Variants in ARHGAP40 observed in about 807,000 individuals in gnomAD.
ARHGAP40 encodes rho GTPase-activating protein 40.
In ARHGAP40, 43 loss-of-function variants were observed where a neutral mutation model predicts 73.5. That is an observed-to-expected ratio of 0.58 (90% CI 0.46 to 0.75). The LOEUF is 0.75. Ranked by LOEUF, ARHGAP40 falls within the 30% of genes least tolerant of loss-of-function variation. The probability of loss-of-function intolerance (pLI) is 0.00; values close to 1 mark genes in which losing one functional copy is unlikely to be tolerated. For synonymous variants in ARHGAP40, 300 were observed against 352.8 expected, an observed-to-expected ratio of 0.85 and a Z score of 1.68; for missense variants, 734 against 861.8, an observed-to-expected ratio of 0.85 and a Z score of 1.86.
chr20:38,626,987 G>A lies in ARHGAP40; in HGVS notation c.338-8G>A, dbSNP rs1245623268. On this transcript the variant is annotated splice_polypyrimidine_tract_variant and splice_region_variant and intron_variant, in intron 2 of 14. Transcript: ENST00000373345. ...GTGTGTTCATCTGGGTTCTACTTCTGTTGGCAGAAGGGGAAGCTGAATCCC... is the reference window on the plus strand; with the variant it reads ...GTGTGTTCATCTGGGTTCTACTTCTATTGGCAGAAGGGGAAGCTGAATCCC... The A allele has an allele frequency of 1.5e-6, 2 of 1,303,116 alleles. No individual in the cohort carries two copies. Among genetic ancestry groups the A allele is most frequent in the Non-Finnish European group, 2.0e-6 (2 of 988,450 alleles). 80.7% of individuals were successfully genotyped at this position (1,303,116 alleles called of 1,614,324 possible). A position where few individuals can be genotyped will look rare whatever the true frequency, so the allele number is the denominator to read the frequency against.
At chr20:38,619,762 C>A (rs1394065095) in intron 1 of ARHGAP40, among the ~76,000 whole-genome samples, 1 of 151,248 alleles carries the variant, frequency 6.6e-6, no homozygotes, top group Non-Finnish European at 1.5e-5. Context: ...AAGTTGGAAA[C>A]AATAGCACCC....
Position 38,646,313 on chromosome 20 carries a change from C to T in ARHGAP40, c.1710+126C>T. The T allele has an allele frequency of 1.9e-6, 2 of 1,080,152 alleles. No individual in the cohort carries two copies. The highest frequency in any genetic ancestry group is 1.2e-6 in the Non-Finnish European group (1 of 858,036). 66.9% of individuals were successfully genotyped at this position (1,080,152 alleles called of 1,614,324 possible). On this transcript the variant is annotated intron_variant, in intron 12 of 14. Transcript: ENST00000373345. The surrounding 1 kb of genome is among the most constrained non-coding windows in gnomAD (Gnocchi z 4.5). The stretch of plus-strand genomic sequence containing the variant: ...GCCAGCAACGGCCCAGTGAGGCCAC[C>T]AGGGGGCGTTGCGGCGCCGTCACGG...
intron 1 of ARHGAP40, among the ~76,000 whole-genome samples, chr20:38,613,849 A>G (rs1601134735): frequency 6.6e-6 from 1 of 152,352 alleles, no homozygotes; most frequent in East Asian, 1.9e-4. Flanking sequence ...CGGCTCTAGC[A>G]GAAATGCTGT....
At chr20:38,608,454 G>C (rs1261297507) in intron 1 of ARHGAP40, among the ~76,000 whole-genome samples, 1 of 152,142 alleles carries the variant, frequency 6.6e-6, no homozygotes, top group Non-Finnish European at 1.5e-5. Flanking sequence ...CTGCTCGTTG[G>C]TCGGAAGGCA....
chr20:38,621,628 C>A (rs2088874164), intron 1 of ARHGAP40, among the ~76,000 whole-genome samples: 1 of 152,148 alleles, frequency 6.6e-6, no homozygotes, highest in Admixed American at 6.5e-5. Flanking sequence ...GTCTGCACAC[C>A]AAAGTGTTAG....
At chr20:38,644,925 T>TC (rs138870681) in intron 11 of ARHGAP40, among the ~76,000 whole-genome samples, 3,977 of 152,078 alleles carry the variant, frequency 0.026, 166 homozygotes, top group African/African-American at 0.089. Flanking sequence ...CCACAGTCCT[T>TC]CCCTCTATCC....
At chr20:38,608,313 C>T (rs557067153) in intron 1 of ARHGAP40, among the ~76,000 whole-genome samples, 1 of 152,280 alleles carries the variant, frequency 6.6e-6, no homozygotes, top group African/African-American at 2.4e-5. Flanking sequence ...TGACTTGTTT[C>T]TTTAAAACTG....
intron 5 of ARHGAP40, among the ~76,000 whole-genome samples, chr20:38,631,397 TTCCACATGGCTG>T (rs1208715592): frequency 6.6e-6 from 1 of 151,724 alleles, no homozygotes; most frequent in Non-Finnish European, 1.5e-5. Context: ...GGACTTACAG[TTCCACATGGCTG>T]GGGAGGCCTC....
chr20:38,604,541 G>A (rs1008979285), intron 1 of ARHGAP40, among the ~76,000 whole-genome samples: 5 of 151,914 alleles, frequency 3.3e-5, no homozygotes, highest in African/African-American at 9.7e-5. Flanking sequence ...GATTACAGGC[G>A]TGCGCCACCA....
At chr20:38,611,989 G>A (rs945635339) in intron 1 of ARHGAP40, among the ~76,000 whole-genome samples, 4 of 152,018 alleles carry the variant, frequency 2.6e-5, no homozygotes, top group African/African-American at 9.7e-5. Context: ...CTCCCAAAAC[G>A]CTGGGACTAC....
chr20:38,624,457 G>A (rs1225807237), intron 2 of ARHGAP40, among the ~76,000 whole-genome samples: 1 of 152,146 alleles, frequency 6.6e-6, no homozygotes. Flanking sequence ...CCCTTGATGG[G>A]GTGAGAGTCA....
chr20:38,625,992 A>T lies in ARHGAP40; in HGVS notation c.338-1003A>T, dbSNP rs6128571. Among the ~76,000 whole-genome samples the T allele has an allele frequency of 2.0e-5, 3 of 152,308 alleles. No homozygotes were observed. In the East Asian group the frequency reaches 5.8e-4, roughly 29 times the overall value. Reference sequence around the variant, plus strand: ...CATTTCAAGAAACAGTGGCTCATTGAAAGGATCCTGTACAAACAAAAAAAT... The same window carrying T: ...CATTTCAAGAAACAGTGGCTCATTGTAAGGATCCTGTACAAACAAAAAAAT... On this transcript the variant is annotated intron_variant, in intron 2 of 14. Transcript: ENST00000373345.
intron 10 of ARHGAP40, 111 bp downstream of exon 10, chr20:38,641,919 C>A: frequency 1.1e-6 from 1 of 879,026 alleles, no homozygotes; most frequent in Non-Finnish European, 1.5e-6. Context: ...CTGCCAGGTG[C>A]TAGGGTTCAG....
intron 1 of ARHGAP40, among the ~76,000 whole-genome samples, chr20:38,603,459 A>ATCTATCTGTCTATCTG: frequency 7.8e-6 from 1 of 128,076 alleles, no homozygotes; most frequent in Admixed American, 7.9e-5. Flanking sequence ...CTATCTATCT[A>ATCTATCTGTCTATCTG]TCTATTCTAT....
At chr20:38,629,359 C>A in intron 4 of ARHGAP40, 143 bp from the exon 5 acceptor site, 1 of 850,420 alleles carries the variant, frequency 1.2e-6, no homozygotes, top group Non-Finnish European at 1.6e-6. Context: ...AGCCCTAAAC[C>A]TAATGATTTG....
chr20:38,638,806 C>A (rs1367817544), exon 8 of ARHGAP40: 2 of 1,305,346 alleles, frequency 1.5e-6, no homozygotes, highest in African/African-American at 3.0e-5. Flanking sequence ...GGAAGGCATT[C>A]TCAGGGTGCC....
chr20:38,610,686 T>TG (rs2088799263), intron 1 of ARHGAP40, among the ~76,000 whole-genome samples: 1 of 151,980 alleles, frequency 6.6e-6, no homozygotes, highest in South Asian at 2.1e-4. Flanking sequence ...GTTAGAGGAG[T>TG]GAAGCTTCGT....
At chr20:38,642,381 C>G (rs979729732) in intron 10 of ARHGAP40, among the ~76,000 whole-genome samples, 1 of 152,200 alleles carries the variant, frequency 6.6e-6, no homozygotes, top group Non-Finnish European at 1.5e-5. Flanking sequence ...TCAAGATGTG[C>G]CTCCAGGATC....
At position 38,646,964 on chromosome 20, in the gene ARHGAP40, A is replaced by G. The variant is rs1455526343; in HGVS notation, c.1718A>G (p.Lys573Arg). The G allele has an allele frequency of 1.5e-6, 2 of 1,305,060 alleles. No individual in the cohort carries two copies. The highest frequency in any genetic ancestry group is 4.6e-5 in the Admixed American group (2 of 43,554). 80.8% of individuals were successfully genotyped at this position (1,305,060 alleles called of 1,614,324 possible). Reference sequence around the variant, plus strand: ...CTCTCTCTCTCTCTGCAGACTCCCAAGGTGGCAAAGATCCAGGTGGTCTGG... The same window carrying G: ...CTCTCTCTCTCTCTGCAGACTCCCAGGGTGGCAAAGATCCAGGTGGTCTGG... The change falls in exon 13 of 15, where the codon AAG becomes AGG. Residue 573 changes from lysine to arginine, a missense_variant. Lys to Arg is a conservative substitution (Grantham distance 26, BLOSUM62 2). Coordinates refer to ENST00000373345, the Ensembl canonical transcript of ARHGAP40. The surrounding 1 kb of genome is among the most constrained non-coding windows in gnomAD (Gnocchi z 4.5).
Sources: gnomAD v4.1 joint callset for allele counts (sites outside exome capture counted in the v4.1 genomes callset) on GRCh38, gnomAD v4.1.1 for gene constraint, Gnocchi (gnomAD v3.1) non-coding constraint, MANE v1.5 for transcripts, NCBI Gene and HGNC (gene_info 2026-07-23, HGNC 2026-07-21) for gene names.